Variants in MND1 observed in about 807,000 individuals in gnomAD.
MND1 encodes the protein meiotic nuclear divisions 1, also known as meiotic nuclear division protein 1 homolog.
A neutral mutation model predicts 35.1 loss-of-function variants in MND1; 28 were observed. The ratio of observed to expected loss-of-function variants is 0.80; its 90% confidence interval spans 0.59 to 1.09. MND1 has a LOEUF of 1.09. Ranked by LOEUF, MND1 falls within the 50% of genes least tolerant of loss-of-function variation. The pLI is 0.00. For missense variants in MND1, 213 were observed against 239.6 expected (o/e 0.89, Z 0.73); for synonymous variants, 69 against 70.5 (o/e 0.98, Z 0.11).
intron 7 of MND1, among the ~76,000 whole-genome samples, chr4:153,409,370 C>CTAATAATAATAATAA (rs58903970): frequency 0.048 from 7,178 of 149,378 alleles, 204 homozygotes; most frequent in African/African-American, 0.065. Flanking sequence ...TATCATCTTG[C>CTAATAATAATAATAA]TAATAATAAT....
chr4:153,349,592 T>C (rs1001289618), intron 1 of MND1, among the ~76,000 whole-genome samples: 12 of 152,186 alleles, frequency 7.9e-5, no homozygotes, highest in African/African-American at 2.9e-4. Context: ...CTGTGTGTGG[T>C]CTCCCCAAGA....
chr4:153,374,913 C>T (rs571900840), intron 4 of MND1, among the ~76,000 whole-genome samples: 13 of 152,090 alleles, frequency 8.5e-5, no homozygotes, highest in African/African-American at 1.2e-4. Flanking sequence ...GTGGCTGCTC[C>T]GTGCATGTGC....
At chr4:153,408,194 C>T (rs1031251968) in intron 6 of MND1, among the ~76,000 whole-genome samples, 2 of 152,082 alleles carry the variant, frequency 1.3e-5, no homozygotes, top group Non-Finnish European at 2.9e-5. Context: ...TGCTTAAGCC[C>T]GCCAGTTTGA....
At chr4:153,391,457 G>A (rs1176123755) in intron 4 of MND1, among the ~76,000 whole-genome samples, 1 of 152,038 alleles carries the variant, frequency 6.6e-6, no homozygotes, top group Non-Finnish European at 1.5e-5. Flanking sequence ...CGGGTGTGGT[G>A]GCTTACGCCT....
intron 4 of MND1, among the ~76,000 whole-genome samples, chr4:153,386,233 G>A (rs1350123609): frequency 6.6e-6 from 1 of 150,736 alleles, no homozygotes; most frequent in African/African-American, 2.4e-5. Flanking sequence ...GTTCACGCCT[G>A]TTATCCCAGG....
At chr4:153,350,461 T>G (rs760813703) in intron 2 of MND1, among the ~76,000 whole-genome samples, 1 of 152,188 alleles carries the variant, frequency 6.6e-6, no homozygotes, top group South Asian at 2.1e-4. Context: ...CCAACCAGTC[T>G]TGGATCTCAA....
At position 153,358,604 on chromosome 4, in the gene MND1, G is replaced by A. The variant is rs1773403982; in HGVS notation, c.258G>A (p.Leu86=). The A allele has an allele frequency of 1.2e-6, 2 of 1,612,340 alleles. No homozygotes were observed. Among genetic ancestry groups the A allele is most frequent in the South Asian group, 1.1e-5 (1 of 90,636 alleles). ...CTCTTCATGCAAGGAAACATAAGTT[G>A]GAGGTTCTGGAATCTCAGGTAAGCT... The part of the protein sequence containing the change: ...SKALHARKHK[L]EVLESQLSEG... The change falls in exon 4 of 8, where the codon TTG becomes TTA. Residue 86 remains leucine (L), a synonymous_variant. Transcript: ENST00000240488.
chr4:153,344,670 C>A, upstream of MND1: 2 of 1,434,640 alleles, frequency 1.4e-6, no homozygotes, highest in Non-Finnish European at 1.9e-6. Context: ...AAATCAAACG[C>A]GTCCTGGCCT....
chr4:153,391,571 C>CA (rs1318373838), intron 4 of MND1, among the ~76,000 whole-genome samples: 1 of 151,454 alleles, frequency 6.6e-6, no homozygotes, highest in Non-Finnish European at 1.5e-5. Flanking sequence ...ACTAAAAATA[C>CA]AAAAAATTCG....
intron 4 of MND1, among the ~76,000 whole-genome samples, chr4:153,368,565 G>C (rs1773714952): frequency 6.6e-6 from 1 of 152,128 alleles, no homozygotes; most frequent in Admixed American, 6.5e-5. Flanking sequence ...CCTGAAAAAG[G>C]CAAAGCTTCT....
At chr4:153,404,069 A>C in intron 6 of MND1, among the ~76,000 whole-genome samples, 1 of 152,170 alleles carries the variant, frequency 6.6e-6, no homozygotes, top group East Asian at 1.9e-4. Flanking sequence ...GTTTCAATGG[A>C]AACTGTTCCC....
intron 6 of MND1, among the ~76,000 whole-genome samples, chr4:153,406,394 C>A (rs1305172382): frequency 1.3e-5 from 2 of 151,946 alleles, no homozygotes; most frequent in Non-Finnish European, 2.9e-5. Flanking sequence ...TGGTGGCACA[C>A]ACCTGTAATC....
chr4:153,412,777 C>T (rs967042072), intron 7 of MND1, among the ~76,000 whole-genome samples: 3 of 151,024 alleles, frequency 2.0e-5, no homozygotes, highest in African/African-American at 7.3e-5. Context: ...CGTGAGCCAC[C>T]GCAACCAGCC....
At position 153,344,701 on chromosome 4, in the gene MND1, C is replaced by A. The variant is rs1454592302; in HGVS notation, c.-37C>A. ...GGCCTGTCCCGCCCCTCTCCCCAAG[C>A]GCGGGCCCGGCCAGCGGAAGCCCCT... On this transcript the variant is annotated 5_prime_UTR_variant, in exon 1 of 8. Transcript: ENST00000240488. 2 of 1,572,364 alleles carry A rather than the reference C, an allele frequency of 1.3e-6. No homozygotes were observed. Among genetic ancestry groups the A allele is most frequent in the Non-Finnish European group, 1.7e-6 (2 of 1,160,930 alleles).
At chr4:153,406,350 C>T (rs887065701) in intron 6 of MND1, among the ~76,000 whole-genome samples, 115 of 151,978 alleles carry the variant, frequency 7.6e-4, no homozygotes, top group African/African-American at 2.7e-3. Context: ...GGTGAAACCC[C>T]ATCTCTACTA....
chr4:153,386,166 GTTTTGTTTTTTGTT>G (rs959318672), intron 4 of MND1, among the ~76,000 whole-genome samples: 18 of 151,826 alleles, frequency 1.2e-4, no homozygotes, highest in African/African-American at 4.1e-4. Flanking sequence ...ACATTGAAGT[GTTTTGTTTTTTGTT>G]TTTTGTTTTT....
chr4:153,361,605 T>A (rs926873293), intron 4 of MND1: 21 of 453,628 alleles, frequency 4.6e-5, no homozygotes, highest in Middle Eastern at 4.3e-4. Context: ...TTTGGGAGGC[T>A]GAGGCGGGCA....
At chr4:153,357,671 C>T (rs1222494626) in intron 3 of MND1, among the ~76,000 whole-genome samples, 1 of 152,166 alleles carries the variant, frequency 6.6e-6, no homozygotes, top group Non-Finnish European at 1.5e-5. Context: ...ATATTAATTA[C>T]ACCAGTGTCC....
At chr4:153,413,514 AC>A (rs1203950874) in intron 7 of MND1, among the ~76,000 whole-genome samples, 3 of 152,022 alleles carry the variant, frequency 2.0e-5, no homozygotes, top group Non-Finnish European at 4.4e-5. Flanking sequence ...CCTCATCCCT[AC>A]AAAAAATACA....
Sources: allele counts gnomAD v4.1 joint callset (sites outside exome capture counted in the v4.1 genomes callset), GRCh38; gene constraint gnomAD v4.1.1; transcripts MANE v1.5; gene names NCBI Gene and HGNC (gene_info 2026-07-23, HGNC 2026-07-21).